The following GPC5 variants were observed in gnomAD, a reference collection of about 807,000 sequenced individuals.
The protein encoded by GPC5 is glypican 5.
In GPC5, 47 loss-of-function variants were observed where a neutral mutation model predicts 53.9. That is an observed-to-expected ratio of 0.87 (90% confidence interval 0.69 to 1.11). The LOEUF (loss-of-function observed/expected upper bound fraction) is 1.11. Ranked by LOEUF, GPC5 falls within the 50% of genes most tolerant of loss-of-function variation. GPC5 has a pLI of 0.00. For synonymous variants in GPC5, 286 were observed against 263.3 expected (o/e 1.09, Z -0.84); for missense variants, 748 against 713.1 (o/e 1.05, Z -0.56).
At chr13:92,583,750 C>T (rs530104548) in intron 7 of GPC5, among the ~76,000 whole-genome samples, 3 of 152,318 alleles carry the variant, frequency 2.0e-5, no homozygotes, top group African/African-American at 7.2e-5. Context: ...TATGGTTTGG[C>T]TGTGTCCCCT....
intron 7 of GPC5, among the ~76,000 whole-genome samples, chr13:92,164,254 C>G (rs889588495): frequency 1.2e-4 from 19 of 152,218 alleles, no homozygotes; most frequent in African/African-American, 4.6e-4. Context: ...AGCATTAACC[C>G]AAATGTTCAA....
chr13:91,900,829 T>G (rs114308929), intron 5 of GPC5, among the ~76,000 whole-genome samples: 1 of 152,086 alleles, frequency 6.6e-6, no homozygotes, highest in South Asian at 2.1e-4. Flanking sequence ...GTGCAGTCAT[T>G]AGTTTTTCAT....
Position 92,144,922 on chromosome 13 carries a change from T to C in GPC5, c.1494T>C (p.Cys498=), listed in dbSNP as rs1330543255. The change falls in exon 7 of 8, where the codon TGT becomes TGC. Residue 498 remains cysteine (C), a synonymous_variant. Transcript: ENST00000377067. The part of the protein sequence containing the change: ...GGMVEQVSGD[C]DDEDGCGGSG... The stretch of plus-strand genomic sequence containing the variant: ...TGGTTGAACAAGTCAGTGGGGACTG[T>C]GATGATGAAGATGGTTGCGGGGGAT... 6.3e-7 allele frequency: 1 copy of C among 1,598,348 alleles called. No homozygotes were observed. The highest frequency in any genetic ancestry group is 2.3e-5 in the East Asian group (1 of 43,834).
intron 7 of GPC5, among the ~76,000 whole-genome samples, chr13:92,668,480 T>G (rs1342136911): frequency 6.6e-6 from 1 of 152,174 alleles, no homozygotes; most frequent in African/African-American, 2.4e-5. Flanking sequence ...TGTTTCAGTT[T>G]TTTTCATAGC....
intron 5 of GPC5, among the ~76,000 whole-genome samples, chr13:91,839,136 T>C (rs181281611): frequency 5.9e-5 from 9 of 152,342 alleles, no homozygotes; most frequent in African/African-American, 1.9e-4. Flanking sequence ...TTCAATAATA[T>C]GCTTTTGCCA....
chr13:92,338,195 G>A (rs1416602377), intron 7 of GPC5, among the ~76,000 whole-genome samples: 1 of 151,998 alleles, frequency 6.6e-6, no homozygotes, highest in Non-Finnish European at 1.5e-5. Context: ...AAAATATGCT[G>A]CACATTTTAG....
At chr13:92,404,124 G>A (rs1022934017) in intron 7 of GPC5, among the ~76,000 whole-genome samples, 11 of 152,094 alleles carry the variant, frequency 7.2e-5, no homozygotes, top group Admixed American at 1.3e-4. Flanking sequence ...GATTTCAATT[G>A]TAAGAAATTA....
chr13:92,715,974 T>G (rs1410773399), intron 7 of GPC5, among the ~76,000 whole-genome samples: 1 of 152,174 alleles, frequency 6.6e-6, no homozygotes, highest in Non-Finnish European at 1.5e-5. Context: ...AACATGTAGT[T>G]TACTTATTAT....
chr13:92,762,724 T>C (rs1875236258), intron 7 of GPC5, among the ~76,000 whole-genome samples: 1 of 152,184 alleles, frequency 6.6e-6, no homozygotes, highest in African/African-American at 2.4e-5. Context: ...GTTCACTTAC[T>C]AGTATTTCAT....
intron 7 of GPC5, among the ~76,000 whole-genome samples, chr13:92,406,580 G>A (rs1352655313): frequency 1.3e-5 from 2 of 152,146 alleles, no homozygotes; most frequent in East Asian, 1.9e-4. Context: ...AGGATAGGTC[G>A]GTTGGATGGG....
At position 92,207,055 on chromosome 13, in the gene GPC5, T is replaced by A. The variant is rs2139069472; in HGVS notation, c.1561+62066T>A. 1.3e-5 allele frequency among the ~76,000 whole-genome samples: 2 copies of A among 152,354 alleles called. 1 individual carries two copies. The highest frequency in any genetic ancestry group is 4.1e-4 in the South Asian group (2 of 4,828). The stretch of plus-strand genomic sequence containing the variant: ...TCTTATTCATTTTTTAACCTTCAGC[T>A]GTTACTTGAGCTTCACTTCATTTGT... On this transcript the variant is annotated intron_variant, in intron 7 of 7. Transcript: ENST00000377067.
At chr13:92,268,709 T>C (rs2042819772) in intron 7 of GPC5, among the ~76,000 whole-genome samples, 1 of 143,044 alleles carries the variant, frequency 7.0e-6, no homozygotes, top group Non-Finnish European at 1.5e-5. Flanking sequence ...TATCTTATAC[T>C]TACCTCATAG....
intron 6 of GPC5, among the ~76,000 whole-genome samples, chr13:91,962,405 A>T (rs1445480215): frequency 6.6e-6 from 1 of 152,158 alleles, no homozygotes; most frequent in Non-Finnish European, 1.5e-5. Flanking sequence ...TGACTTAAAG[A>T]TAGTCACAAC....
intron 7 of GPC5, among the ~76,000 whole-genome samples, chr13:92,838,480 G>A (rs111275350): frequency 7.3e-5 from 10 of 137,068 alleles, no homozygotes; most frequent in African/African-American, 2.6e-4. Flanking sequence ...GAGACTCCGC[G>A]CCCCCCCCAA....
intron 7 of GPC5, among the ~76,000 whole-genome samples, chr13:92,261,749 A>G (rs2042768715): frequency 6.6e-6 from 1 of 152,182 alleles, no homozygotes; most frequent in African/African-American, 2.4e-5. Context: ...TGGAAAAAAT[A>G]GCTTATTAGT....
chr13:92,045,560 C>T (rs545591459), intron 6 of GPC5, among the ~76,000 whole-genome samples: 9 of 152,236 alleles, frequency 5.9e-5, no homozygotes, highest in African/African-American at 2.2e-4. Flanking sequence ...GTCACCATCA[C>T]CATGGGCCAC....
chr13:92,220,225 C>A (rs1009981156), intron 7 of GPC5, among the ~76,000 whole-genome samples: 2 of 152,028 alleles, frequency 1.3e-5, no homozygotes, highest in Non-Finnish European at 2.9e-5. Flanking sequence ...TCTAGTGTAG[C>A]CACTCTTCTG....
chr13:92,676,629 T>C (rs1321971162), intron 7 of GPC5, among the ~76,000 whole-genome samples: 1 of 152,164 alleles, frequency 6.6e-6, no homozygotes, highest in Admixed American at 6.5e-5. Flanking sequence ...GGTGTGTTTT[T>C]GTTCTCTTAG....
intron 7 of GPC5, among the ~76,000 whole-genome samples, chr13:92,628,233 A>T (rs1885109023): frequency 1.6e-5 from 2 of 126,102 alleles, no homozygotes; most frequent in Admixed American, 7.8e-5. Flanking sequence ...TTGAGAATCA[A>T]TCCTATTTTC....
Sources: allele counts gnomAD v4.1 joint callset (sites outside exome capture counted in the v4.1 genomes callset), GRCh38; gene constraint gnomAD v4.1.1; transcripts MANE v1.5; gene names NCBI Gene and HGNC (gene_info 2026-07-23, HGNC 2026-07-21).